Variants in UCHL3 observed in about 807,000 individuals in gnomAD.
UCHL3 encodes ubiquitin carboxyl-terminal hydrolase isozyme L3.
Under a neutral mutation model 35.8 loss-of-function variants are expected in UCHL3, and 22 were observed. The ratio of observed to expected loss-of-function variants is 0.61; its 90% CI spans 0.44 to 0.88. The LOEUF (loss-of-function observed/expected upper bound fraction) is 0.88, where lower values mean the gene tolerates loss of function less well. Among genes scored for constraint, UCHL3 ranks in the 40% least tolerant of loss-of-function variants. UCHL3 has a pLI of 0.00. For synonymous variants in UCHL3, 90 were observed against 92.8 expected, an observed-to-expected ratio of 0.97 and a Z score of 0.17; for missense variants, 229 against 276.9, an observed-to-expected ratio of 0.83 and a Z score of 1.23.
At chr13:75,571,215 A>G (rs1271548887) in intron 6 of UCHL3, among the ~76,000 whole-genome samples, 3 of 152,222 alleles carry the variant, frequency 2.0e-5, no homozygotes, top group Admixed American at 6.5e-5. Context: ...AAGCAATTAA[A>G]TGCTTTAATA....
intron 6 of UCHL3, among the ~76,000 whole-genome samples, chr13:75,589,697 A>T (rs977343731): frequency 1.3e-5 from 2 of 152,166 alleles, no homozygotes; most frequent in Non-Finnish European, 2.9e-5. Context: ...GCAAATGAGG[A>T]TATGTGAATA....
intron 6 of UCHL3, among the ~76,000 whole-genome samples, chr13:75,581,682 CT>C: frequency 7.3e-6 from 1 of 137,004 alleles, no homozygotes; most frequent in East Asian, 2.3e-4. Context: ...GGCAGACCCT[CT>C]GCTTTGTTTG....
In UCHL3 at chr13:75,549,997, G is replaced by T; in HGVS notation, c.54+10G>T. 1 of 1,614,260 alleles carries T rather than the reference G, an allele frequency of 6.2e-7. No individual in the cohort carries two copies. On this transcript the variant is annotated intron_variant, in intron 2 of 8. Coordinates refer to ENST00000377595, the MANE Select transcript of UCHL3 (RefSeq NM_006002.5). ...TCAGGTCACCAACCAGGTGAGTGAG[G>T]TGTCTGTCGCTCGGGACCTCGGAGT... is the stretch of plus-strand genomic sequence containing the variant.
chr13:75,591,613 T>C (rs980569762), intron 6 of UCHL3, among the ~76,000 whole-genome samples: 1 of 152,176 alleles, frequency 6.6e-6, no homozygotes, highest in Non-Finnish European at 1.5e-5. Context: ...TCCATTGCCT[T>C]ATAGCTTTAA....
Position 75,569,444 on chromosome 13 carries a change from T to C in UCHL3, c.427-16T>C. 6.2e-7 allele frequency: 1 copy of C among 1,602,176 alleles called. No homozygotes were observed. ...ATAGGCATTTTTTCCAATGAATACC[T>C]TTATTCTTATTACAGGCCATCCGAG... On this transcript the variant is annotated splice_polypyrimidine_tract_variant and intron_variant, in intron 5 of 8. Transcript: ENST00000377595.
chr13:75,584,118 C>T (rs2032258685), intron 6 of UCHL3, among the ~76,000 whole-genome samples: 1 of 152,162 alleles, frequency 6.6e-6, no homozygotes, highest in African/African-American at 2.4e-5. Flanking sequence ...GATAAAACCA[C>T]CCCTTTTGCG....
At position 75,605,936 on chromosome 13, in the gene UCHL3, T is replaced by G; in HGVS notation, c.*124T>G. 2.1e-6 allele frequency: 2 copies of G among 938,414 alleles called. No homozygotes were observed. The highest frequency in any genetic ancestry group is 3.2e-6 in the Non-Finnish European group (2 of 619,116). The allele number at this position is 938,414 out of a possible 1,614,324, so 58.1% of individuals were successfully genotyped here. A position where few individuals can be genotyped will look rare whatever the true frequency, so the allele number is the denominator to read the frequency against. On this transcript the variant is annotated 3_prime_UTR_variant, in exon 9 of 9. Coordinates refer to ENST00000377595, the MANE Select transcript of UCHL3 (RefSeq NM_006002.5). Reference sequence around the variant, plus strand: ...GATTAAACTTTATGTGAGTTAAACTTTGCCTTAACCTGTGTTTTATGTTAT... The same window carrying G: ...GATTAAACTTTATGTGAGTTAAACTGTGCCTTAACCTGTGTTTTATGTTAT...
intron 2 of UCHL3, among the ~76,000 whole-genome samples, chr13:75,557,802 G>A (rs1046366576): frequency 6.6e-6 from 1 of 152,012 alleles, no homozygotes; most frequent in African/African-American, 2.4e-5. Flanking sequence ...TAAAACTAAT[G>A]CTTTTATAAA....
At chr13:75,593,122 A>T (rs1426172854) in intron 6 of UCHL3, among the ~76,000 whole-genome samples, 2 of 152,202 alleles carry the variant, frequency 1.3e-5, no homozygotes, top group East Asian at 3.8e-4. Context: ...TAATTTATGA[A>T]AGCATAAAGT....
In UCHL3 at chr13:75,549,804, G is replaced by T. The variant is rs999095428; in HGVS notation, c.-17G>T. 6.5e-6 allele frequency: 10 copies of T among 1,535,574 alleles called. No homozygotes were observed. Among genetic ancestry groups the T allele is most frequent in the Non-Finnish European group, 8.7e-6 (10 of 1,148,716 alleles). On this transcript the variant is annotated 5_prime_UTR_variant, in exon 1 of 9. Coordinates refer to ENST00000377595, the MANE Select transcript of UCHL3 (RefSeq NM_006002.5). ...AAGGCGGCGGCTGTCAGAGCTGGAG[G>T]GCCGGGCACCGCGGCCATGGAGGGT...
At chr13:75,572,099 TTC>T (rs2031881311) in intron 6 of UCHL3, among the ~76,000 whole-genome samples, 1 of 152,036 alleles carries the variant, frequency 6.6e-6, no homozygotes, top group African/African-American at 2.4e-5. Context: ...CTTTAATTAT[TTC>T]TTTTTAGCCA....
Position 75,591,835 on chromosome 13 carries a change from G to T in UCHL3, c.475-3080G>T, listed in dbSNP as rs2032485087. On this transcript the variant is annotated intron_variant, in intron 6 of 8. Transcript: ENST00000377595. ...GAGTATCTCTTATCCAAAATGCTTG[G>T]GATGAGAAGTGTTTTGGATTTTGGT... Among the ~76,000 whole-genome samples the T allele has an allele frequency of 2.0e-5, 3 of 151,960 alleles. No individual in the cohort carries two copies. In the South Asian group the frequency reaches 6.2e-4, roughly 32 times the overall value.
intron 6 of UCHL3, among the ~76,000 whole-genome samples, chr13:75,589,565 C>T (rs1320417568): frequency 1.3e-5 from 2 of 151,940 alleles, no homozygotes; most frequent in Admixed American, 6.6e-5. Flanking sequence ...TTCTTCTACC[C>T]GTTATTCTTT....
intron 2 of UCHL3, among the ~76,000 whole-genome samples, chr13:75,556,921 T>C (rs1408590090): frequency 6.6e-6 from 1 of 152,212 alleles, no homozygotes; most frequent in Non-Finnish European, 1.5e-5. Context: ...TCTTATTGGC[T>C]GGTAAAAGGA....
At chr13:75,593,834 C>G (rs887257366) in intron 6 of UCHL3, among the ~76,000 whole-genome samples, 1 of 152,154 alleles carries the variant, frequency 6.6e-6, no homozygotes, top group Non-Finnish European at 1.5e-5. Flanking sequence ...CTTTCAATAT[C>G]TGCATCAGAA....
At chr13:75,559,622 C>T (rs988193794) in intron 2 of UCHL3, among the ~76,000 whole-genome samples, 2 of 152,164 alleles carry the variant, frequency 1.3e-5, no homozygotes. Context: ...GTCATGGCTT[C>T]CACTGGTTTT....
At position 75,605,800 on chromosome 13, in the gene UCHL3, T is replaced by C. The variant is rs1282212258; in HGVS notation, c.681T>C (p.Leu227=). ...AACTAAGATTTAATGCGATTGCTCT[T>C]TCTGCAGCATAGCTTGTCAATAATG... is the stretch of plus-strand genomic sequence containing the variant. ...PDELRFNAIA[L]SAA The change falls in exon 9 of 9, where the codon CTT becomes CTC. Residue 227 remains leucine (L), a synonymous_variant. Transcript: ENST00000377595. The C allele has an allele frequency of 1.2e-6, 2 of 1,614,082 alleles. No homozygotes were observed. The highest frequency in any genetic ancestry group is 1.7e-6 in the Non-Finnish European group (2 of 1,179,994).
At chr13:75,584,361 C>T (rs1208051300) in intron 6 of UCHL3, among the ~76,000 whole-genome samples, 1 of 152,134 alleles carries the variant, frequency 6.6e-6, no homozygotes, top group Non-Finnish European at 1.5e-5. Context: ...GAGAGTGGAA[C>T]AAGAGCATTG....
At chr13:75,602,763 A>G (rs9543994) in intron 7 of UCHL3, among the ~76,000 whole-genome samples, 78,024 of 151,976 alleles carry the variant, frequency 0.51, 20,237 homozygotes, top group East Asian at 0.63. Context: ...CATTAAAAAT[A>G]CACTGAGGGC....
Sources: allele counts gnomAD v4.1 joint callset (sites outside exome capture counted in the v4.1 genomes callset), GRCh38; gene constraint gnomAD v4.1.1; transcripts MANE v1.5; gene names NCBI Gene and HGNC (gene_info 2026-07-23, HGNC 2026-07-21).